The following CAB39L variants were observed in gnomAD, a reference collection of about 807,000 sequenced individuals.
CAB39L encodes the protein calcium-binding protein 39-like.
Under a neutral mutation model 39.1 loss-of-function variants are expected in CAB39L, and 23 were observed. The observed-to-expected ratio is 0.59, with a 90% CI of 0.42 to 0.83. CAB39L has a LOEUF of 0.83. Ranked by LOEUF, CAB39L falls within the 40% of genes least tolerant of loss-of-function variation. The pLI is 0.00. For synonymous variants in CAB39L, 126 were observed against 137.2 expected (o/e 0.92, Z 0.57); for missense variants, 366 against 391.9 (o/e 0.93, Z 0.56).
At position 49,336,346 on chromosome 13, in the gene CAB39L, A is replaced by AT. The variant is rs1293961776; in HGVS notation, c.690+3330dup. Reference sequence around the variant, plus strand: ...GTAATTTATCTGCATTTTGTCAGGCATTTTTTTCCAGTGTCCTATCAATTC... The same window carrying AT: ...GTAATTTATCTGCATTTTGTCAGGCATTTTTTTTCCAGTGTCCTATCAATTC... On this transcript the variant is annotated intron_variant, in intron 9 of 10. Transcript: ENST00000409308. Among the ~76,000 whole-genome samples, 5 of 152,134 alleles carry AT rather than the reference A, an allele frequency of 3.3e-5. No individual in the cohort carries two copies. The East Asian group carries it at 7.7e-4, about 24-fold the overall frequency.
intron 4 of CAB39L, among the ~76,000 whole-genome samples, chr13:49,381,083 G>A (rs1323911010): frequency 3.9e-5 from 6 of 152,126 alleles, no homozygotes; most frequent in Non-Finnish European, 7.4e-5. Context: ...ACCCACCACC[G>A]TGCCTGGCTA....
chr13:49,403,846 C>T (rs142732294), intron 3 of CAB39L, among the ~76,000 whole-genome samples: 1 of 151,474 alleles, frequency 6.6e-6, no homozygotes, highest in East Asian at 1.9e-4. Flanking sequence ...GACTGCACAC[C>T]GCAGAAGAAA....
intron 6 of CAB39L, among the ~76,000 whole-genome samples, chr13:49,355,559 T>C (rs1305782658): frequency 6.6e-6 from 1 of 152,042 alleles, no homozygotes; most frequent in Non-Finnish European, 1.5e-5. Context: ...AATGTACAAG[T>C]TGGGTGGCAT....
intron 3 of CAB39L, among the ~76,000 whole-genome samples, chr13:49,385,232 T>C (rs1040451947): frequency 2.6e-5 from 4 of 152,356 alleles, no homozygotes; most frequent in Admixed American, 2.6e-4. Flanking sequence ...GTTCTGGAGA[T>C]GGCTTCTTTC....
At chr13:49,395,169 GAATA>G (rs975586942) in intron 3 of CAB39L, among the ~76,000 whole-genome samples, 7 of 151,026 alleles carry the variant, frequency 4.6e-5, no homozygotes, top group African/African-American at 1.5e-4. Flanking sequence ...TATTTTGAAT[GAATA>G]AACAAATAAC....
At chr13:49,371,355 A>G (rs1328420919) in intron 5 of CAB39L, among the ~76,000 whole-genome samples, 2 of 152,048 alleles carry the variant, frequency 1.3e-5, no homozygotes, top group East Asian at 1.9e-4. Context: ...GGCCACGGCT[A>G]ATTTTTGTAT....
At chr13:49,439,205 C>T (rs990079242) in intron 1 of CAB39L, among the ~76,000 whole-genome samples, 3 of 152,052 alleles carry the variant, frequency 2.0e-5, no homozygotes, top group African/African-American at 7.2e-5. Context: ...GTTTTGTCTG[C>T]TCTCATTGCA....
chr13:49,430,952 C>G (rs1159919291), intron 3 of CAB39L, among the ~76,000 whole-genome samples: 1 of 152,186 alleles, frequency 6.6e-6, no homozygotes, highest in Non-Finnish European at 1.5e-5. Context: ...GAATTATTAT[C>G]AAGACATGTT....
In CAB39L at chr13:49,339,662, G is replaced by T; in HGVS notation, c.690+15C>A. On this transcript the variant is annotated intron_variant, in intron 9 of 10. Coordinates refer to ENST00000409308, the MANE Select transcript of CAB39L (RefSeq NM_001079670.3). The stretch of plus-strand genomic sequence containing the variant: ...AAACTTACGGGGACACTGACTTAAA[G>T]AAATTTGATATTACCTTTAAAGACT... 6.4e-7 allele frequency: 1 copy of T among 1,559,166 alleles called. No individual in the cohort carries two copies. Among genetic ancestry groups the T allele is most frequent in the Non-Finnish European group, 8.6e-7 (1 of 1,156,424 alleles).
At chr13:49,365,037 T>G (rs1478616214) in intron 5 of CAB39L, among the ~76,000 whole-genome samples, 1 of 152,138 alleles carries the variant, frequency 6.6e-6, no homozygotes, top group Non-Finnish European at 1.5e-5. Flanking sequence ...ATGACTTGAC[T>G]TTGAATTATA....
intron 3 of CAB39L, among the ~76,000 whole-genome samples, chr13:49,400,002 A>G (rs995628343): frequency 6.6e-6 from 1 of 151,918 alleles, no homozygotes; most frequent in Non-Finnish European, 1.5e-5. Flanking sequence ...ACAAAACAAA[A>G]CCTGTTTTAC....
intron 10 of CAB39L, among the ~76,000 whole-genome samples, chr13:49,320,455 T>C (rs995924981): frequency 7.2e-5 from 11 of 152,152 alleles, no homozygotes; most frequent in African/African-American, 2.7e-4. Flanking sequence ...ACTCAAATAT[T>C]TTTAGTTTAG....
intron 4 of CAB39L, 87 bp downstream of exon 4, chr13:49,382,712 AT>A: frequency 1.2e-6 from 1 of 817,098 alleles, no homozygotes; most frequent in Non-Finnish European, 2.1e-6. Flanking sequence ...CACAGACCAT[AT>A]TTTGAATTCT....
At position 49,310,794 on chromosome 13, in the gene CAB39L, G is replaced by A. The variant is rs1458525858; in HGVS notation, c.*20C>T. The stretch of plus-strand genomic sequence containing the variant: ...CTGGACAAATGAGACGACTGACTGT[G>A]ACAGGGGCCGGGGAGCTCTTCAAGG... On this transcript the variant is annotated 3_prime_UTR_variant, in exon 11 of 11. Transcript: ENST00000409308. 2 of 1,610,210 alleles carry A rather than the reference G, an allele frequency of 1.2e-6. No individual in the cohort carries two copies. The highest frequency in any genetic ancestry group is 1.7e-6 in the Non-Finnish European group (2 of 1,177,694).
intron 9 of CAB39L, among the ~76,000 whole-genome samples, chr13:49,337,730 GCGCACACACA>G (rs1187693813): frequency 1.8e-4 from 15 of 85,448 alleles, no homozygotes; most frequent in Admixed American, 1.3e-3. Flanking sequence ...AGCTGCTCTG[GCGCACACACA>G]CACACACACA....
intron 10 of CAB39L, among the ~76,000 whole-genome samples, chr13:49,322,710 G>C (rs985436293): frequency 1.3e-5 from 2 of 152,136 alleles, no homozygotes; most frequent in Non-Finnish European, 2.9e-5. Context: ...AACTGGGAGG[G>C]ACCTCAGGAA....
intron 6 of CAB39L, among the ~76,000 whole-genome samples, chr13:49,355,025 C>A (rs1345818352): frequency 6.6e-6 from 1 of 152,124 alleles, no homozygotes; most frequent in African/African-American, 2.4e-5. Flanking sequence ...AAACACTTGG[C>A]CTCCTCAATA....
intron 3 of CAB39L, among the ~76,000 whole-genome samples, chr13:49,418,060 G>A (rs1315608678): frequency 3.3e-5 from 5 of 151,928 alleles, no homozygotes; most frequent in Non-Finnish European, 7.4e-5. Context: ...TTATATCCAA[G>A]AGAAATGAAA....
intron 6 of CAB39L, among the ~76,000 whole-genome samples, chr13:49,358,804 G>A (rs1955552931): frequency 6.6e-6 from 1 of 152,050 alleles, no homozygotes; most frequent in Non-Finnish European, 1.5e-5. Context: ...AGGTTGCAGT[G>A]AGCCAAGATC....
Sources: gnomAD v4.1 joint callset for allele counts (sites outside exome capture counted in the v4.1 genomes callset) on GRCh38, gnomAD v4.1.1 for gene constraint, MANE v1.5 for transcripts, NCBI Gene and HGNC (gene_info 2026-07-23, HGNC 2026-07-21) for gene names.